Variants in CDX1 observed in about 807,000 individuals in gnomAD.
The protein encoded by CDX1 is caudal type homeobox 1.
In CDX1, 9 loss-of-function variants were observed where a neutral mutation model predicts 16.9. The observed-to-expected ratio is 0.53, with a 90% CI of 0.32 to 0.93. The LOEUF (loss-of-function observed/expected upper bound fraction) is 0.93. CDX1 is among the 40% of genes least tolerant of loss of function. The pLI is 0.04. For synonymous variants in CDX1, 179 were observed against 179.0 expected (o/e 1.00, Z 0.00); for missense variants, 393 against 386.1 (o/e 1.02, Z -0.15).
At position 150,167,024 on chromosome 5, in the gene CDX1, C is replaced by A; in HGVS notation, c.148C>A (p.His50Asn). 4.9e-6 allele frequency: 7 copies of A among 1,435,328 alleles called. No homozygotes were observed. The highest frequency in any genetic ancestry group is 6.4e-6 in the Non-Finnish European group (7 of 1,099,416). 88.9% of individuals were successfully genotyped at this position (1,435,328 alleles called of 1,614,324 possible). Residue 50 changes from histidine (H) to asparagine (N), a missense_variant, in exon 1 of 3, where the codon CAC (histidine) becomes AAC (asparagine). His to Asn is a moderately conservative substitution (Grantham distance 68). Transcript: ENST00000231656. ...GTACCCCGACTTCTCCAGCTACTCT[C>A]ACGTGGAGCCGGCCCCCGCGCCCCC... is the stretch of plus-strand genomic sequence containing the variant. ...PQYPDFSSYS[H>N]VEPAPAPPTA...
intron 2 of CDX1, among the ~76,000 whole-genome samples, 175 bp from the exon 3 acceptor site, chr5:150,183,299 A>T (rs1035861215): frequency 6.6e-6 from 1 of 152,062 alleles, no homozygotes; most frequent in South Asian, 2.1e-4. Flanking sequence ...TAGGGGTGCA[A>T]TGTCTAGAGG....
intron 1 of CDX1, among the ~76,000 whole-genome samples, chr5:150,169,513 TC>T (rs1250045000): frequency 6.6e-6 from 1 of 152,076 alleles, no homozygotes. Context: ...CTGCCTGTCT[TC>T]CCAGGGCATC....
Position 150,182,753 on chromosome 5 carries a change from C to T in CDX1, c.446-15C>T, listed in dbSNP as rs745812552. 5.2e-6 allele frequency: 8 copies of T among 1,548,548 alleles called. No individual in the cohort carries two copies. In the Admixed American group the frequency reaches 1.2e-4, roughly 23 times the overall value. On this transcript the variant is annotated splice_polypyrimidine_tract_variant and intron_variant, in intron 1 of 2. Coordinates refer to ENST00000231656, the MANE Select transcript of CDX1 (RefSeq NM_001804.3). ...TCTCAACTCACCTTCCTTCCCGGCT[C>T]CTTCTGCTTCTCAGGTAAGACTCGG...
intron 1 of CDX1, among the ~76,000 whole-genome samples, chr5:150,178,224 T>C (rs1331274833): frequency 6.6e-6 from 1 of 152,178 alleles, no homozygotes; most frequent in Non-Finnish European, 1.5e-5. Context: ...CATGGTGGCC[T>C]AATCCACATG....
chr5:150,171,796 G>A (rs1350027426), intron 1 of CDX1, among the ~76,000 whole-genome samples: 1 of 152,248 alleles, frequency 6.6e-6, no homozygotes, highest in Non-Finnish European at 1.5e-5. Context: ...AGCTGGGATT[G>A]CATTTCCATA....
At position 150,182,949 on chromosome 5, in the gene CDX1, T is replaced by C. The variant is rs1752483986; in HGVS notation, c.591+36T>C. On this transcript the variant is annotated intron_variant, in intron 2 of 2. Transcript: ENST00000231656. ...CTTCCTATCTCAGCCATAGGAGCAG[T>C]GCGAGGACTCTGGTCTCCAGGCTGC... The C allele has an allele frequency of 2.6e-6, 4 of 1,568,172 alleles. No homozygotes were observed. In the African/African-American group the frequency reaches 4.1e-5, roughly 16 times the overall value.
chr5:150,180,094 G>A (rs562879258), intron 1 of CDX1, among the ~76,000 whole-genome samples: 1 of 152,372 alleles, frequency 6.6e-6, no homozygotes, highest in Admixed American at 6.5e-5. Flanking sequence ...TCAGTAAAGT[G>A]CGAGGAGACT....
intron 1 of CDX1, among the ~76,000 whole-genome samples, chr5:150,178,484 G>A (rs1446115460): frequency 2.0e-5 from 3 of 152,076 alleles, no homozygotes; most frequent in African/African-American, 7.2e-5. Flanking sequence ...CCAGGGGCCT[G>A]TAAATAATTC....
intron 1 of CDX1, among the ~76,000 whole-genome samples, chr5:150,177,655 A>T (rs1386532478): frequency 6.6e-6 from 1 of 152,174 alleles, no homozygotes; most frequent in Non-Finnish European, 1.5e-5. Context: ...CGGGTCATTG[A>T]GAGATGTATA....
At chr5:150,179,549 A>G (rs1761614277) in intron 1 of CDX1, among the ~76,000 whole-genome samples, 1 of 152,134 alleles carries the variant, frequency 6.6e-6, no homozygotes, top group Non-Finnish European at 1.5e-5. Flanking sequence ...CCCCCCACCT[A>G]TGAAATGGCT....
intron 1 of CDX1, among the ~76,000 whole-genome samples, chr5:150,169,865 G>A (rs1276618372): frequency 6.6e-6 from 1 of 151,272 alleles, no homozygotes; most frequent in East Asian, 1.9e-4. Flanking sequence ...TGTAGACGAG[G>A]GAACCAAGGT....
rs566469144 is a variant in CDX1, at chr5:150,180,952, C to G, written c.446-1816C>G. ...CTCTCTCCTGGGTTACGGCAGCTCT[C>G]CCTGCACTTCCCCTTCCTCTTGCAA... On this transcript the variant is annotated intron_variant, in intron 1 of 2. Transcript: ENST00000231656. 4.6e-5 allele frequency among the ~76,000 whole-genome samples: 7 copies of G among 152,328 alleles called. No homozygotes were observed. The South Asian group carries it at 1.4e-3, about 32-fold the overall frequency.
chr5:150,168,048 T>C lies in CDX1; in HGVS notation c.445+727T>C, dbSNP rs150772524. Among the ~76,000 whole-genome samples the C allele has an allele frequency of 2.7e-3, 413 of 152,288 alleles. 1 individual carries two copies. The highest frequency in any genetic ancestry group is 9.2e-3 in the African/African-American group (383 of 41,570). ...TAGGGGGCAGGACAAAGGGCCCAAC[T>C]TTAATGAGGGGCGGCTTGACCTCCG... On this transcript the variant is annotated intron_variant, in intron 1 of 2. Coordinates refer to ENST00000231656, the MANE Select transcript of CDX1 (RefSeq NM_001804.3).
At chr5:150,171,104 G>A (rs1159935256) in intron 1 of CDX1, among the ~76,000 whole-genome samples, 1 of 152,076 alleles carries the variant, frequency 6.6e-6, no homozygotes, top group East Asian at 1.9e-4. Context: ...TTTCAGATGG[G>A]GAAACTGAGG....
chr5:150,171,957 A>G (rs1761513075), intron 1 of CDX1, among the ~76,000 whole-genome samples: 1 of 152,240 alleles, frequency 6.6e-6, no homozygotes, highest in Non-Finnish European at 1.5e-5. Context: ...TGCTTAGGGC[A>G]TCGGTGCCTG....
rs188542835 is a variant in CDX1 at position 150,182,490 on chromosome 5, G to A, written c.446-278G>A. ...AGACCTGGGCTGAAGCTGCAGCTCC[G>A]TCAGCAGCCTGCTGTGTAACCCTGA... On this transcript the variant is annotated intron_variant, in intron 1 of 2. Transcript: ENST00000231656. 1.4e-4 allele frequency among the ~76,000 whole-genome samples: 21 copies of A among 152,338 alleles called. No homozygotes were observed. The East Asian group carries it at 1.7e-3, about 13-fold the overall frequency.
chr5:150,183,848 C>A lies in CDX1; in HGVS notation c.*168C>A. On this transcript the variant is annotated 3_prime_UTR_variant, in exon 3 of 3. Coordinates refer to ENST00000231656, the MANE Select transcript of CDX1 (RefSeq NM_001804.3). The stretch of plus-strand genomic sequence containing the variant: ...CCCTTGGCCCATCTGTGCAGTAAGC[C>A]TGTTGGATAAAGACCTTCCAGCTCC... 1 of 486,532 alleles carries A rather than the reference C, an allele frequency of 2.1e-6. No individual in the cohort carries two copies. The highest frequency in any genetic ancestry group is 3.6e-6 in the Non-Finnish European group (1 of 276,428). 30.1% of individuals were successfully genotyped at this position (486,532 alleles called of 1,614,324 possible). A position where few individuals can be genotyped will look rare whatever the true frequency, so the allele number is the denominator to read the frequency against.
intron 1 of CDX1, among the ~76,000 whole-genome samples, chr5:150,169,836 G>A (rs1164341479): frequency 6.6e-6 from 1 of 152,172 alleles, no homozygotes; most frequent in Non-Finnish European, 1.5e-5. Flanking sequence ...GGACAAACTG[G>A]ACAGTTAGAG....
At chr5:150,177,571 C>G (rs558905460) in intron 1 of CDX1, among the ~76,000 whole-genome samples, 1 of 152,338 alleles carries the variant, frequency 6.6e-6, no homozygotes, top group East Asian at 1.9e-4. Context: ...TTGAATCCCA[C>G]CTGCCTGATG....
Sources: allele counts gnomAD v4.1 joint callset (sites outside exome capture counted in the v4.1 genomes callset), GRCh38; gene constraint gnomAD v4.1.1; transcripts MANE v1.5; gene names NCBI Gene and HGNC (gene_info 2026-07-23, HGNC 2026-07-21).